The following SPTBN5 variants were observed in gnomAD, a reference collection of about 807,000 sequenced individuals.
The protein encoded by SPTBN5 is spectrin beta chain, non-erythrocytic 5.
SPTBN5 carries 513 observed loss-of-function variants against 477.6 expected under a neutral mutation model. The ratio of observed to expected loss-of-function variants is 1.07; its 90% confidence interval spans 1.00 to 1.16. The LOEUF is 1.16. Ranked by LOEUF, SPTBN5 falls within the 50% of genes most tolerant of loss-of-function variation. The pLI, the probability that SPTBN5 is intolerant of heterozygous loss-of-function variation, is 0.00. For missense variants in SPTBN5, 5,062 were observed against 4,731.8 expected (o/e 1.07, Z -2.05); for synonymous variants, 2,169 against 2,011.7 (o/e 1.08, Z -2.09).
chr15:41,888,116 C>A (rs747627625), intron 4 of SPTBN5, 31 bp from the exon 5 acceptor site: 4 of 1,546,960 alleles, frequency 2.6e-6, no homozygotes, highest in Admixed American at 1.9e-5. Context: ...GGTCACCATG[C>A]GGGGATGGGG....
rs1013367271 is a variant in SPTBN5 at position 41,887,927 on chromosome 15, C to A, written c.659+1G>T. The stretch of plus-strand genomic sequence containing the variant: ...GCCTCCTGACAAGGGTGGGGTCACA[C>A]CTGTGGGCATGGATGAGGGCATTGA... On this transcript the variant is annotated splice_donor_variant, in intron 5 of 67. Transcript: ENST00000320955. LOFTEE classifies it high-confidence loss of function. 2.5e-6 allele frequency: 4 copies of A among 1,608,830 alleles called. No individual in the cohort carries two copies.
intron 30 of SPTBN5, 28 bp from the exon 31 acceptor site, chr15:41,870,381 G>A (rs887882750): frequency 4.4e-6 from 7 of 1,599,290 alleles, no homozygotes; most frequent in Non-Finnish European, 4.3e-6. Context: ...CCGAGGAGAT[G>A]AGGGATGGAG....
intron 28 of SPTBN5, 75 bp downstream of exon 28, chr15:41,871,706 GC>G: frequency 7.0e-7 from 1 of 1,433,220 alleles, no homozygotes; most frequent in African/African-American, 1.4e-5. Flanking sequence ...TTCTTCCTCC[GC>G]CCCGCCAGAG....
chr15:41,868,378 C>T lies in SPTBN5; in HGVS notation c.6057+20G>A. ...CTTGGTCAGCTAGGGTATGTGGGGG[C>T]ACCAGGGGAGGGGGCCCACCTCCTT... On this transcript the variant is annotated intron_variant, in intron 33 of 67. Coordinates refer to ENST00000320955, the MANE Select transcript of SPTBN5 (RefSeq NM_016642.4). 1 of 1,591,126 alleles carries T rather than the reference C, an allele frequency of 6.3e-7. No individual in the cohort carries two copies. The highest frequency in any genetic ancestry group is 8.6e-7 in the Non-Finnish European group (1 of 1,168,120).
In SPTBN5 at chr15:41,879,422, T is replaced by A; in HGVS notation, c.3020A>T (p.Gln1007Leu). Reference sequence around the variant, plus strand: ...CTGGACCTGTGTGGGTCCACACTCCTGCAGAAAACTGCACACTTCCACACT... The same window carrying A: ...CTGGACCTGTGTGGGTCCACACTCCAGCAGAAAACTGCACACTTCCACACT... ...AHSVEVCSFL[Q>L]ECGPTQVQLR... The change falls in exon 16 of 68, where the codon CAG becomes CTG. Residue 1007 changes from glutamine to leucine, a missense_variant. Transcript: ENST00000320955. 6.2e-7 allele frequency: 1 copy of A among 1,609,688 alleles called. No individual in the cohort carries two copies. The highest frequency in any genetic ancestry group is 1.1e-5 in the South Asian group (1 of 90,870).
rs749245514 is a variant in SPTBN5, at chr15:41,854,975, A to T, written c.9425T>A (p.Val3142Glu). The T allele has an allele frequency of 8.4e-6, 13 of 1,538,868 alleles. No individual in the cohort carries two copies. In the East Asian group the frequency reaches 3.0e-4, roughly 35 times the overall value. Residue 3142 changes from valine (V) to glutamate (E), a missense_variant and splice_region_variant, in exon 56 of 68, where the codon GTG becomes GAG. Val to Glu is a moderately radical substitution (Grantham distance 121). Coordinates refer to ENST00000320955, the MANE Select transcript of SPTBN5 (RefSeq NM_016642.4). ...GAAAGCATCAAACTTCTCTTCCAGC[A>T]CCTGCAAAGGTATGAGGCCCAGCAG... is the stretch of plus-strand genomic sequence containing the variant. ...DYGQDLEGVKVLEEKFDAFRK... is the reference protein window; with the variant it reads ...DYGQDLEGVKELEEKFDAFRK...
intron 7 of SPTBN5, 88 bp downstream of exon 7, chr15:41,885,647 C>G: frequency 6.9e-7 from 1 of 1,449,988 alleles, no homozygotes; most frequent in Non-Finnish European, 9.2e-7. Context: ...TCCTCTCTGG[C>G]AAAGAATGGG....
In SPTBN5 at chr15:41,883,245, G is replaced by A. The variant is rs755640436; in HGVS notation, c.1660-17C>T. 1 of 1,607,148 alleles carries A rather than the reference G, an allele frequency of 6.2e-7. No homozygotes were observed. The highest frequency in any genetic ancestry group is 2.2e-5 in the East Asian group (1 of 44,628). On this transcript the variant is annotated splice_polypyrimidine_tract_variant and intron_variant, in intron 8 of 67. Coordinates refer to ENST00000320955, the MANE Select transcript of SPTBN5 (RefSeq NM_016642.4). ...GGCCGGCTCCTGGCCAGAGATGATG[G>A]TCATTGCAGTGGTCCCAAGGTGCTG...
chr15:41,858,577 C>T, intron 49 of SPTBN5, 25 bp downstream of exon 49: 2 of 1,603,294 alleles, frequency 1.2e-6, no homozygotes, highest in Non-Finnish European at 1.7e-6. Context: ...GCTGTCCCAC[C>T]ACCCTCCTGC....
intron 61 of SPTBN5, 109 bp downstream of exon 61, chr15:41,852,525 G>A (rs2065799303): frequency 1.5e-6 from 2 of 1,358,988 alleles, no homozygotes; most frequent in Admixed American, 3.4e-5. Flanking sequence ...GAAAGGAGCA[G>A]GTAAGGCAGG....
At chr15:41,851,685 A>G (rs1037804764) in intron 63 of SPTBN5, 94 bp downstream of exon 63, 9 of 934,876 alleles carry the variant, frequency 9.6e-6, no homozygotes, top group South Asian at 9.0e-5. Flanking sequence ...CCAAGTTCAC[A>G]GTGCAAGGGT....
intron 49 of SPTBN5, among the ~76,000 whole-genome samples, 192 bp downstream of exon 49, chr15:41,858,410 C>A (rs1433439644): frequency 6.6e-6 from 1 of 152,206 alleles, no homozygotes; most frequent in Admixed American, 6.5e-5. Context: ...AGAGGGTGCC[C>A]CCCCTGCCCG....
At chr15:41,863,310 A>C (rs1254484408) in intron 41 of SPTBN5, among the ~76,000 whole-genome samples, 1 of 152,226 alleles carries the variant, frequency 6.6e-6, no homozygotes, top group Non-Finnish European at 1.5e-5. Flanking sequence ...ACCGGGTTCT[A>C]ACTCTGCCAG....
chr15:41,871,952 T>C (rs1243151396), intron 27 of SPTBN5, 35 bp from the exon 28 acceptor site: 4 of 1,501,096 alleles, frequency 2.7e-6, no homozygotes, highest in African/African-American at 2.8e-5. Flanking sequence ...CAGAAGTGAG[T>C]TGCCCACCCC....
At chr15:41,849,311 T>TA (rs928413922) in intron 67 of SPTBN5, among the ~76,000 whole-genome samples, 3 of 152,168 alleles carry the variant, frequency 2.0e-5, no homozygotes, top group African/African-American at 7.2e-5. Flanking sequence ...CCCCTGCACA[T>TA]CCACCTTCGC....
intron 41 of SPTBN5, 30 bp downstream of exon 41, chr15:41,863,674 C>A (rs1484805747): frequency 2.5e-6 from 4 of 1,576,522 alleles, no homozygotes; most frequent in Non-Finnish European, 2.6e-6. Flanking sequence ...TTGCTCACAG[C>A]CCCCACCGGG....
intron 2 of SPTBN5, 85 bp downstream of exon 2, chr15:41,893,197 A>T: frequency 1.3e-6 from 2 of 1,589,952 alleles, no homozygotes; most frequent in Non-Finnish European, 1.7e-6. Flanking sequence ...CAGGCAGATG[A>T]CCCCACAGCT....
In SPTBN5 at chr15:41,853,597, C is replaced by T. The variant is rs377459229; in HGVS notation, c.9965G>A (p.Arg3322His). ...QAAQGHAFLG[R>H]CQELLAWAQE... ...GGACACCTACAGCAGTTCCTGGCAG[C>T]GCCCGAGGAAGGCATGGCCCTGTGC... The change falls in exon 58 of 68, where the codon CGC (arginine) becomes CAC (histidine). Residue 3322 changes from arginine to histidine, a missense_variant. By Grantham distance (29) the Arg-to-His change is conservative (BLOSUM62 0). Transcript: ENST00000320955. The T allele has an allele frequency of 2.2e-5, 35 of 1,575,300 alleles. No homozygotes were observed. The highest frequency in any genetic ancestry group is 1.1e-4 in the South Asian group (10 of 89,056).
intron 37 of SPTBN5, 32 bp downstream of exon 37, chr15:41,866,312 G>A (rs1452044082): frequency 3.2e-6 from 5 of 1,570,758 alleles, no homozygotes; most frequent in Non-Finnish European, 1.7e-6. Flanking sequence ...CACACTTTGG[G>A]GCAGGCATGG....
Sources: allele counts gnomAD v4.1 joint callset (sites outside exome capture counted in the v4.1 genomes callset), GRCh38; gene constraint gnomAD v4.1.1; transcripts MANE v1.5; gene names NCBI Gene and HGNC (gene_info 2026-07-23, HGNC 2026-07-21).